The following RELN variants were observed in gnomAD, a reference collection of about 807,000 sequenced individuals.
RELN encodes reelin.
Under a neutral mutation model 427.6 loss-of-function variants are expected in RELN, and 108 were observed. The ratio of observed to expected loss-of-function variants is 0.25; its 90% CI spans 0.22 to 0.30. RELN has a LOEUF of 0.30. RELN is among the 10% of genes least tolerant of loss of function. RELN has a pLI of 1.00. For synonymous variants in RELN, 1,524 were observed against 1,513.4 expected (o/e 1.01, Z -0.16); for missense variants, 3,715 against 4,302.8 (o/e 0.86, Z 3.82).
intron 6 of RELN, among the ~76,000 whole-genome samples, chr7:103,747,960 C>T (rs1056261509): frequency 6.6e-5 from 10 of 151,844 alleles, no homozygotes; most frequent in African/African-American, 2.2e-4. Context: ...TTTGCACCAC[C>T]GAACAGTCAC....
At chr7:103,553,409 G>T (rs1216493966) in intron 40 of RELN, 52 bp downstream of exon 40, 4 of 1,373,772 alleles carry the variant, frequency 2.9e-6, no homozygotes, top group Non-Finnish European at 3.1e-6. Flanking sequence ...CCTTTCCTAG[G>T]TTTTGTTCAA....
chr7:103,989,554 G>C lies in RELN; in HGVS notation c.-198C>G. 2.2e-6 allele frequency: 1 copy of C among 454,774 alleles called. No individual in the cohort carries two copies. Among genetic ancestry groups the C allele is most frequent in the Non-Finnish European group, 3.6e-6 (1 of 275,848 alleles). 28.2% of individuals were successfully genotyped at this position (454,774 alleles called of 1,614,324 possible). ...AGACGGCGGCTCCCAAAGTTACTTTGGGCCGCGGGAGCGCGGGACCGGGGC... is the reference window on the plus strand; with the variant it reads ...AGACGGCGGCTCCCAAAGTTACTTTCGGCCGCGGGAGCGCGGGACCGGGGC... On this transcript the variant is annotated 5_prime_UTR_variant, in exon 1 of 65. Transcript: ENST00000428762. The surrounding 1 kb of genome is among the most constrained non-coding windows in gnomAD (Gnocchi z 4.9).
intron 2 of RELN, among the ~76,000 whole-genome samples, chr7:103,896,949 C>T (rs1397434250): frequency 2.0e-5 from 3 of 152,060 alleles, no homozygotes; most frequent in Admixed American, 6.6e-5. Flanking sequence ...TGCACTTCCA[C>T]GTGGCTGGGG....
chr7:103,528,617 C>G (rs1416967671), intron 46 of RELN, among the ~76,000 whole-genome samples: 2 of 152,004 alleles, frequency 1.3e-5, no homozygotes, highest in Admixed American at 1.3e-4. Context: ...CAATCTCTGC[C>G]TCCCAGGTTC....
intron 3 of RELN, among the ~76,000 whole-genome samples, chr7:103,788,795 G>C (rs1279064735): frequency 1.3e-5 from 2 of 152,070 alleles, no homozygotes; most frequent in East Asian, 3.9e-4. Context: ...TCCCCATCAA[G>C]TTACTATTGA....
At chr7:103,635,029 T>C (rs1832547216) in intron 19 of RELN, among the ~76,000 whole-genome samples, 3 of 151,986 alleles carry the variant, frequency 2.0e-5, no homozygotes, top group Admixed American at 2.0e-4. Context: ...CAGCTTTTTT[T>C]TTCGTATTTT....
chr7:103,617,576 A>C (rs900470976), intron 20 of RELN, among the ~76,000 whole-genome samples: 3 of 150,442 alleles, frequency 2.0e-5, no homozygotes, highest in African/African-American at 7.5e-5. Flanking sequence ...ATGTGTGTAT[A>C]TATATTCCTT....
At chr7:103,695,965 C>T (rs1833969306) in intron 10 of RELN, among the ~76,000 whole-genome samples, 1 of 152,110 alleles carries the variant, frequency 6.6e-6, no homozygotes, top group Non-Finnish European at 1.5e-5. Context: ...AATTAGTATA[C>T]TTTCAAATCA....
intron 28 of RELN, among the ~76,000 whole-genome samples, chr7:103,583,042 T>C (rs1831190208): frequency 6.6e-6 from 1 of 152,226 alleles, no homozygotes. Flanking sequence ...TGTCTCATTT[T>C]CATTCACATT....
intron 24 of RELN, among the ~76,000 whole-genome samples, chr7:103,601,943 GA>G (rs746431566): frequency 3.2e-4 from 49 of 152,172 alleles, no homozygotes; most frequent in Non-Finnish European, 5.6e-4. Flanking sequence ...CTTTCATACA[GA>G]GTCCCACATC....
intron 1 of RELN, among the ~76,000 whole-genome samples, chr7:103,970,519 A>C (rs1418959813): frequency 6.6e-6 from 1 of 151,124 alleles, no homozygotes; most frequent in Non-Finnish European, 1.5e-5. Flanking sequence ...TGGTGATTTC[A>C]CTGTTTAAAA....
chr7:103,945,474 C>T (rs192445263), intron 1 of RELN, among the ~76,000 whole-genome samples: 13 of 152,244 alleles, frequency 8.5e-5, no homozygotes, highest in Admixed American at 7.8e-4. Flanking sequence ...CGAAGACAGA[C>T]GAGCCTTCAG....
At position 103,635,450 on chromosome 7, in the gene RELN, A is replaced by G. The variant is rs764681189; in HGVS notation, c.2440T>C (p.Ser814Pro). The G allele has an allele frequency of 2.7e-5, 43 of 1,613,862 alleles. No homozygotes were observed. The highest frequency in any genetic ancestry group is 2.1e-4 in the South Asian group (19 of 91,076). The change falls in exon 19 of 65, where the codon TCA becomes CCA. Residue 814 changes from serine to proline, a missense_variant. Physicochemically the swap from Ser to Pro is moderately conservative, Grantham distance 74. Transcript: ENST00000428762. ...GITWKLLEHY[S>P]YLSYHEPRII... ...CTGGGCTCATGATAGCTGAGATATG[A>G]ATAATGCTCCAGGAGTTTCCAAGTT...
At chr7:103,476,519 T>C (rs1828039162) in intron 64 of RELN, among the ~76,000 whole-genome samples, 1 of 151,992 alleles carries the variant, frequency 6.6e-6, no homozygotes, top group Non-Finnish European at 1.5e-5. Flanking sequence ...AACCACACTA[T>C]CAAAGCATCG....
intron 2 of RELN, among the ~76,000 whole-genome samples, chr7:103,887,612 T>C (rs1794753351): frequency 6.6e-6 from 1 of 152,074 alleles, no homozygotes; most frequent in Non-Finnish European, 1.5e-5. Flanking sequence ...CTATGGCAGA[T>C]GGGATGAGAG....
chr7:103,497,994 T>C, intron 54 of RELN, 68 bp from the exon 55 acceptor site: 2 of 1,600,160 alleles, frequency 1.2e-6, no homozygotes, highest in Non-Finnish European at 1.7e-6. Flanking sequence ...AAGTCCTGGA[T>C]AATTTCTTCC....
At chr7:103,487,402 A>AG (rs34997660) in intron 60 of RELN, among the ~76,000 whole-genome samples, 1 of 97,378 alleles carries the variant, frequency 1.0e-5, no homozygotes, top group African/African-American at 4.2e-5. Flanking sequence ...CTTAAAGTAG[A>AG]AAAAAAAAAA....
intron 3 of RELN, among the ~76,000 whole-genome samples, chr7:103,781,920 T>C (rs568218669): frequency 6.6e-6 from 1 of 152,264 alleles, no homozygotes; most frequent in East Asian, 1.9e-4. Context: ...TTGCACTTAA[T>C]TTTACATAAT....
At chr7:103,739,222 A>C (rs1455654945) in intron 6 of RELN, among the ~76,000 whole-genome samples, 1 of 152,258 alleles carries the variant, frequency 6.6e-6, no homozygotes, top group Non-Finnish European at 1.5e-5. Flanking sequence ...GGCACTGTTT[A>C]TATTATAGTG....
Sources: gnomAD v4.1 joint callset for allele counts (sites outside exome capture counted in the v4.1 genomes callset) on GRCh38, gnomAD v4.1.1 for gene constraint, Gnocchi (gnomAD v3.1) non-coding constraint, MANE v1.5 for transcripts, NCBI Gene and HGNC (gene_info 2026-07-23, HGNC 2026-07-21) for gene names.